GNAL: variants seen among roughly 807,000 people sequenced by gnomAD.
GNAL encodes the protein guanine nucleotide-binding protein G(olf) subunit alpha.
In GNAL, 18 loss-of-function variants were observed where a neutral mutation model predicts 55.1. That is an observed-to-expected ratio of 0.33 (90% CI 0.23 to 0.48). GNAL has a LOEUF of 0.48. Among genes scored for constraint, GNAL ranks in the 20% least tolerant of loss-of-function variants. The pLI, the probability that GNAL is intolerant of heterozygous loss-of-function variation, is 0.99. For synonymous variants in GNAL, 253 were observed against 237.0 expected, an observed-to-expected ratio of 1.07 and a Z score of -0.62; for missense variants, 412 against 614.1, an observed-to-expected ratio of 0.67 and a Z score of 3.48.
At chr18:11,841,867 T>G (rs1407743794) in intron 5 of GNAL, among the ~76,000 whole-genome samples, 1 of 152,198 alleles carries the variant, frequency 6.6e-6, no homozygotes, top group Non-Finnish European at 1.5e-5. Context: ...CTGTTCATTC[T>G]CTAGCCTGAA....
intron 1 of GNAL, among the ~76,000 whole-genome samples, chr18:11,750,554 T>C (rs979803283): frequency 1.9e-4 from 29 of 151,976 alleles, no homozygotes; most frequent in East Asian, 1.7e-3. Context: ...CCCAATGCAG[T>C]CTCTAGGAGG....
intron 1 of GNAL, chr18:11,746,647 GAGA>G (rs2032693549): frequency 8.1e-6 from 2 of 247,828 alleles, no homozygotes; most frequent in Admixed American, 4.6e-5. Context: ...GGAGAAAAAG[GAGA>G]AGGACAATTT....
intron 4 of GNAL, among the ~76,000 whole-genome samples, chr18:11,790,474 CAT>C (rs1328096614): frequency 3.3e-5 from 5 of 152,108 alleles, no homozygotes; most frequent in Non-Finnish European, 7.4e-5. Context: ...AATACAGACT[CAT>C]AAAGCATTTT....
chr18:11,851,874 G>GT, intron 5 of GNAL: 1 of 1,613,926 alleles, frequency 6.2e-7, no homozygotes, highest in Non-Finnish European at 8.5e-7. Flanking sequence ...TCGAGCACCA[G>GT]TTTGAGACTC....
chr18:11,793,410 T>G (rs978400499), intron 4 of GNAL, among the ~76,000 whole-genome samples: 2 of 152,006 alleles, frequency 1.3e-5, no homozygotes, highest in African/African-American at 4.8e-5. Context: ...CTCCCATCTC[T>G]TACAAGACAA....
At chr18:11,817,075 C>T (rs2034976423) in intron 4 of GNAL, among the ~76,000 whole-genome samples, 1 of 152,004 alleles carries the variant, frequency 6.6e-6, no homozygotes, top group Non-Finnish European at 1.5e-5. Context: ...TTGGTGGTTG[C>T]ATGACTTTAT....
chr18:11,771,756 C>G (rs1283016915), intron 4 of GNAL, among the ~76,000 whole-genome samples: 1 of 151,972 alleles, frequency 6.6e-6, no homozygotes, highest in Non-Finnish European at 1.5e-5. Flanking sequence ...ACTCTGTCAC[C>G]CAGGCTGGAG....
chr18:11,840,838 T>C (rs899329076), intron 5 of GNAL, among the ~76,000 whole-genome samples: 3 of 151,982 alleles, frequency 2.0e-5, no homozygotes, highest in Admixed American at 1.3e-4. Flanking sequence ...TTGATTTAGT[T>C]CACGTAAATG....
chr18:11,853,077 G>C (rs1483978371), intron 5 of GNAL: 1 of 167,032 alleles, frequency 6.0e-6, no homozygotes, highest in Non-Finnish European at 1.5e-5. Flanking sequence ...TGTAGGTTTT[G>C]TTTTGATTTT....
chr18:11,819,495 A>G (rs1328720927), intron 4 of GNAL, among the ~76,000 whole-genome samples: 2 of 152,168 alleles, frequency 1.3e-5, no homozygotes, highest in African/African-American at 2.4e-5. Context: ...TATTTTATAT[A>G]ACTGAAATCC....
At chr18:11,695,692 C>A (rs1345786350) in intron 1 of GNAL, among the ~76,000 whole-genome samples, 1 of 152,164 alleles carries the variant, frequency 6.6e-6, no homozygotes, top group African/African-American at 2.4e-5. Context: ...TTTAAATCCT[C>A]AGCTGTAGAT....
chr18:11,861,736 C>T (rs951948747), intron 5 of GNAL, among the ~76,000 whole-genome samples: 2 of 152,170 alleles, frequency 1.3e-5, no homozygotes, highest in African/African-American at 4.8e-5. Flanking sequence ...TTCCTTGGCT[C>T]CCATCCTGCC....
chr18:11,709,397 G>A (rs1024691407), intron 1 of GNAL, among the ~76,000 whole-genome samples: 1 of 149,090 alleles, frequency 6.7e-6, no homozygotes, highest in Non-Finnish European at 1.5e-5. Context: ...GGTAGCTTTG[G>A]GTAGTACAGA....
intron 5 of GNAL, among the ~76,000 whole-genome samples, chr18:11,828,815 C>T (rs1295981436): frequency 2.0e-5 from 3 of 152,180 alleles, no homozygotes; most frequent in Admixed American, 1.3e-4. Flanking sequence ...GCCCCACCCC[C>T]GACCACTGTG....
At chr18:11,858,903 A>G (rs61462499) in intron 5 of GNAL, among the ~76,000 whole-genome samples, 20,707 of 152,144 alleles carry the variant, frequency 0.14, 2,157 homozygotes, top group African/African-American at 0.29. Flanking sequence ...CAGCCTCATC[A>G]CTGTCAGCAT....
At chr18:11,692,023 A>C (rs995876179) in intron 1 of GNAL, among the ~76,000 whole-genome samples, 2 of 152,176 alleles carry the variant, frequency 1.3e-5, no homozygotes, top group African/African-American at 4.8e-5. Context: ...ATGAAAAAAA[A>C]ATCACGATTT....
chr18:11,866,038 G>C (rs1434397537), intron 7 of GNAL, among the ~76,000 whole-genome samples: 1 of 149,698 alleles, frequency 6.7e-6, no homozygotes, highest in Admixed American at 6.6e-5. Flanking sequence ...GATTTCCCAA[G>C]AACCCTTCAC....
intron 4 of GNAL, among the ~76,000 whole-genome samples, chr18:11,781,903 A>G (rs548979253): frequency 4.0e-4 from 61 of 152,350 alleles, no homozygotes; most frequent in African/African-American, 1.3e-3. Flanking sequence ...AACAGGAAAC[A>G]TGTTCAAGAA....
At chr18:11,723,948 T>C (rs9963682) in intron 1 of GNAL, among the ~76,000 whole-genome samples, 1,980 of 152,324 alleles carry the variant, frequency 0.013, 39 homozygotes, top group African/African-American at 0.045. Flanking sequence ...GAGAAGGAAC[T>C]GGTCTTTGAA....
Sources: allele counts gnomAD v4.1 joint callset (sites outside exome capture counted in the v4.1 genomes callset), GRCh38; gene constraint gnomAD v4.1.1; transcripts MANE v1.5; gene names NCBI Gene and HGNC (gene_info 2026-07-23, HGNC 2026-07-21).